SYT6: variants seen among roughly 807,000 people sequenced by gnomAD.
SYT6 encodes the protein synaptotagmin 6.
Under a neutral mutation model 38.4 loss-of-function variants are expected in SYT6, and 24 were observed. The observed-to-expected ratio is 0.62, with a 90% CI of 0.45 to 0.88. The LOEUF is 0.88. Among genes scored for constraint, SYT6 ranks in the 40% least tolerant of loss-of-function variants. The pLI is 0.00. For synonymous variants in SYT6, 265 were observed against 241.9 expected (o/e 1.10, Z -0.89); for missense variants, 611 against 621.0 (o/e 0.98, Z 0.17).
chr1:114,143,695 G>A lies in SYT6; in HGVS notation c.164-3732C>T, dbSNP rs114514502. On this transcript the variant is annotated intron_variant, in intron 1 of 7. Transcript: ENST00000610222. ...AACCTACAATATCTCCAAGGTATTT[G>A]TGTACAAATGATTCCTAGAGCTGTC... 7.2e-3 allele frequency among the ~76,000 whole-genome samples: 1,089 copies of A among 152,070 alleles called. 13 individuals are homozygous for A. Among genetic ancestry groups the A allele is most frequent in the African/African-American group, 0.025 (1,051 of 41,454 alleles).
intron 3 of SYT6, among the ~76,000 whole-genome samples, chr1:114,116,795 C>A (rs927551398): frequency 6.6e-6 from 1 of 152,204 alleles, no homozygotes; most frequent in Non-Finnish European, 1.5e-5. Flanking sequence ...CTCAGGAAGT[C>A]CCCCCAAATG....
intron 3 of SYT6, among the ~76,000 whole-genome samples, chr1:114,119,942 G>A (rs1360648452): frequency 6.6e-6 from 1 of 151,934 alleles, no homozygotes; most frequent in Non-Finnish European, 1.5e-5. Flanking sequence ...ATGGTGGCAG[G>A]CACCTGTAGT....
At chr1:114,098,987 C>G (rs1271994257) in intron 5 of SYT6, 107 bp downstream of exon 5, 2 of 1,197,046 alleles carry the variant, frequency 1.7e-6, no homozygotes, top group African/African-American at 3.1e-5. Context: ...GAGGCCTGAA[C>G]CCTAAAGCTG....
chr1:114,089,602 T>C lies in SYT6; in HGVS notation c.*2532A>G, dbSNP rs1675182698. 1 of 152,326 alleles carries C rather than the reference T, an allele frequency of 6.6e-6. No individual in the cohort carries two copies. The highest frequency in any genetic ancestry group is 6.5e-5 in the Admixed American group (1 of 15,284). The allele number at this position is 152,326 out of a possible 1,614,324, so 9.4% of individuals were successfully genotyped here. ...AGAAAGCCAACAAATGGATCAACTT[T>C]GTATTTCATTTTCTTCTTCTCTGTG... On this transcript the variant is annotated 3_prime_UTR_variant, in exon 8 of 8. Coordinates refer to ENST00000610222, the MANE Select transcript of SYT6 (RefSeq NM_001253772.2).
Position 114,098,034 on chromosome 1 carries a change from G to A in SYT6, c.1365-157C>T, listed in dbSNP as rs563392365. ...GGCAGGGCTTCTGGGTGTCAGTGGCGGTGAAGCCTTTGCCTAGTCCCCTTC... is the reference window on the plus strand; with the variant it reads ...GGCAGGGCTTCTGGGTGTCAGTGGCAGTGAAGCCTTTGCCTAGTCCCCTTC... On this transcript the variant is annotated intron_variant, in intron 5 of 7. Coordinates refer to ENST00000610222, the MANE Select transcript of SYT6 (RefSeq NM_001253772.2). Among the ~76,000 whole-genome samples, 10 of 152,314 alleles carry A rather than the reference G, an allele frequency of 6.6e-5. No homozygotes were observed. The East Asian group carries it at 1.4e-3, about 21-fold the overall frequency.
intron 3 of SYT6, among the ~76,000 whole-genome samples, chr1:114,125,694 C>A (rs2101051979): frequency 6.6e-6 from 1 of 152,294 alleles, no homozygotes; most frequent in East Asian, 1.9e-4. Context: ...CTGGACAAGG[C>A]TGACCTATAC....
At chr1:114,132,198 C>T (rs1163287416) in intron 3 of SYT6, among the ~76,000 whole-genome samples, 1 of 152,178 alleles carries the variant, frequency 6.6e-6, no homozygotes, top group Non-Finnish European at 1.5e-5. Context: ...CAGCGCATCC[C>T]AGTAAATGGG....
At chr1:114,100,852 C>T (rs774241070) in intron 4 of SYT6, among the ~76,000 whole-genome samples, 3 of 152,114 alleles carry the variant, frequency 2.0e-5, no homozygotes, top group Non-Finnish European at 4.4e-5. Flanking sequence ...AAGGATGTAC[C>T]TTTTCTTGCA....
At chr1:114,109,853 C>T (rs1367746590) in intron 3 of SYT6, among the ~76,000 whole-genome samples, 3 of 152,192 alleles carry the variant, frequency 2.0e-5, no homozygotes, top group African/African-American at 7.2e-5. Flanking sequence ...AGGATCTAGA[C>T]AGGTCAGTAA....
At position 114,103,701 on chromosome 1, in the gene SYT6, C is replaced by G. The variant is rs1458484662; in HGVS notation, c.1092G>C (p.Glu364Asp). The change falls in exon 4 of 8, where the codon GAG (glutamate) becomes GAC (aspartate). Residue 364 changes from glutamate to aspartate, a missense_variant. Physicochemically the swap from Glu to Asp is conservative, Grantham distance 45. Transcript: ENST00000610222. ...GCAGGTAGCAAAGGGAGAACATGAT[C>G]TCTCCCAAGTCCACGCTTTCCTGCA... is the stretch of plus-strand genomic sequence containing the variant. ...YATSESVDLG[E>D]IMFSLCYLPT... 4.5e-5 allele frequency: 73 copies of G among 1,613,852 alleles called. No homozygotes were observed. Among genetic ancestry groups the G allele is most frequent in the Non-Finnish European group, 6.1e-5 (72 of 1,179,990 alleles).
At chr1:114,119,762 AG>A (rs1453566158) in intron 3 of SYT6, among the ~76,000 whole-genome samples, 3 of 152,156 alleles carry the variant, frequency 2.0e-5, no homozygotes, top group African/African-American at 7.2e-5. Flanking sequence ...ACATTCTCTC[AG>A]TAACTTGTTT....
chr1:114,103,578 G>C (rs760270348), intron 4 of SYT6, 23 bp downstream of exon 4: 9 of 1,613,402 alleles, frequency 5.6e-6, no homozygotes, highest in Non-Finnish European at 7.6e-6. Context: ...CTGCTGGCAG[G>C]CCACTTGGGT....
chr1:114,130,044 C>T (rs1306320876), intron 3 of SYT6, among the ~76,000 whole-genome samples: 1 of 151,986 alleles, frequency 6.6e-6, no homozygotes, highest in Non-Finnish European at 1.5e-5. Flanking sequence ...TTCTCTCTGC[C>T]TGGACCTCTC....
At chr1:114,127,428 C>A (rs572941396) in intron 3 of SYT6, among the ~76,000 whole-genome samples, 1 of 152,288 alleles carries the variant, frequency 6.6e-6, no homozygotes, top group East Asian at 1.9e-4. Context: ...TCTAGAGGAG[C>A]CTTGGCCCCT....
chr1:114,146,138 G>A (rs1302959594), intron 1 of SYT6, among the ~76,000 whole-genome samples: 3 of 152,210 alleles, frequency 2.0e-5, no homozygotes, highest in Non-Finnish European at 4.4e-5. Context: ...GGCAGGCAGT[G>A]CAAGGAGAAT....
chr1:114,112,290 G>A (rs1261975678), intron 3 of SYT6, among the ~76,000 whole-genome samples: 1 of 152,238 alleles, frequency 6.6e-6, no homozygotes, highest in East Asian at 1.9e-4. Flanking sequence ...AGATCCTTGA[G>A]TCTGGGTTTG....
chr1:114,129,525 T>C (rs939863057), intron 3 of SYT6, among the ~76,000 whole-genome samples: 3 of 150,424 alleles, frequency 2.0e-5, no homozygotes, highest in Non-Finnish European at 3.0e-5. Flanking sequence ...TTTGTTTTTC[T>C]CTTTCTTTCT....
rs1679563018 is a variant in SYT6 at position 114,153,679 on chromosome 1, G to C, written c.94C>G (p.Leu32Val). ...AAGCTCCGACAAGTCTCCACGTCCAGCCCGAGAGGGGGCGGCCGGGCCCGG... is the reference window on the plus strand; with the variant it reads ...AAGCTCCGACAAGTCTCCACGTCCACCCCGAGAGGGGGCGGCCGGGCCCGG... The part of the protein sequence containing the change: ...LCRARPPPLG[L>V]DVETCRSFEL... Residue 32 changes from leucine to valine, a missense_variant, in exon 1 of 8, where the codon CTG (leucine) becomes GTG (valine). Coordinates refer to ENST00000610222, the MANE Select transcript of SYT6 (RefSeq NM_001253772.2). The C allele has an allele frequency of 1.5e-6, 1 of 673,720 alleles. No individual in the cohort carries two copies. Among genetic ancestry groups the C allele is most frequent in the Non-Finnish European group, 2.7e-6 (1 of 369,108 alleles). The allele number at this position is 673,720 out of a possible 1,614,324, so 41.7% of individuals were successfully genotyped here. A position where few individuals can be genotyped will look rare whatever the true frequency, so the allele number is the denominator to read the frequency against.
At chr1:114,104,289 C>T (rs750006600) in intron 3 of SYT6, among the ~76,000 whole-genome samples, 7 of 152,220 alleles carry the variant, frequency 4.6e-5, no homozygotes, top group Non-Finnish European at 1.0e-4. Flanking sequence ...CATCTGATGG[C>T]AAGTGTTTGA....
Sources: allele counts gnomAD v4.1 joint callset (sites outside exome capture counted in the v4.1 genomes callset), GRCh38; gene constraint gnomAD v4.1.1; transcripts MANE v1.5; gene names NCBI Gene and HGNC (gene_info 2026-07-23, HGNC 2026-07-21).